Variants in ARMC9 observed in about 807,000 individuals in gnomAD.
The protein encoded by ARMC9 is lisH domain-containing protein ARMC9.
A neutral mutation model predicts 107.0 loss-of-function variants in ARMC9; 94 were observed. That is an observed-to-expected ratio of 0.88 (90% confidence interval 0.74 to 1.04). ARMC9 has a LOEUF of 1.04. ARMC9 is among the 50% of genes least tolerant of loss of function. The probability of loss-of-function intolerance (pLI) is 0.00; values close to 1 mark genes in which losing one functional copy is unlikely to be tolerated. For synonymous variants in ARMC9, 380 were observed against 396.9 expected (o/e 0.96, Z 0.51); for missense variants, 942 against 1,030.1 (o/e 0.91, Z 1.17).
At chr2:231,296,968 G>A (rs6751695) in intron 19 of ARMC9, among the ~76,000 whole-genome samples, 18,823 of 152,162 alleles carry the variant, frequency 0.12, 2,506 homozygotes, top group African/African-American at 0.32. Context: ...AGTGAATGCT[G>A]GAACATTTTC....
At chr2:231,365,062 G>T (rs556399471) in intron 23 of ARMC9, among the ~76,000 whole-genome samples, 21 of 152,338 alleles carry the variant, frequency 1.4e-4, no homozygotes, top group African/African-American at 5.1e-4. Context: ...CTCCCAGCAT[G>T]GTGAGCTCAG....
chr2:231,236,164 C>T (rs75099543), intron 8 of ARMC9, among the ~76,000 whole-genome samples: 102 of 152,236 alleles, frequency 6.7e-4, no homozygotes, highest in African/African-American at 2.2e-3. Context: ...ATGAGGGGCA[C>T]GTGCCCTGCT....
chr2:231,363,235 G>A (rs1003617275), intron 23 of ARMC9, among the ~76,000 whole-genome samples: 1 of 152,240 alleles, frequency 6.6e-6, no homozygotes, highest in Non-Finnish European at 1.5e-5. Flanking sequence ...GTAGGAGAAA[G>A]GGAGAAAGAG....
intron 23 of ARMC9, among the ~76,000 whole-genome samples, chr2:231,366,020 G>A (rs2045802476): frequency 6.6e-6 from 1 of 152,158 alleles, no homozygotes. Context: ...GAGGGGGACA[G>A]GCTTAAGGTG....
rs2041450888 is a variant in ARMC9, at chr2:231,297,444, G to A, written c.1773+1191G>A. Among the ~76,000 whole-genome samples, 1 of 152,170 alleles carries A rather than the reference G, an allele frequency of 6.6e-6. No individual in the cohort carries two copies. The highest frequency in any genetic ancestry group is 1.5e-5 in the Non-Finnish European group (1 of 68,034). On this transcript the variant is annotated intron_variant, in intron 19 of 24. Coordinates refer to ENST00000611582, the MANE Select transcript of ARMC9 (RefSeq NM_001352754.2). This position sits in a 1 kb window ranked among gnomAD's most constrained non-coding sequence, Gnocchi z 4.2. ...GACACTTTGTGTAAAGGAAAAGATAGGAACTATTTTAGGGCTTGCAGGCCA... is the reference window on the plus strand; with the variant it reads ...GACACTTTGTGTAAAGGAAAAGATAAGAACTATTTTAGGGCTTGCAGGCCA...
At chr2:231,370,679 C>A (rs2045982310) in intron 24 of ARMC9, 1 of 165,414 alleles carries the variant, frequency 6.0e-6, no homozygotes, top group Non-Finnish European at 1.3e-5. Context: ...CTCCCTGGGG[C>A]CTCTCTCTCA....
intron 21 of ARMC9, among the ~76,000 whole-genome samples, chr2:231,345,383 C>T (rs186801464): frequency 2.4e-4 from 36 of 152,270 alleles, no homozygotes; most frequent in African/African-American, 8.7e-4. Context: ...GAATCGGGCT[C>T]TCTCCAGAAG....
At chr2:231,316,664 C>CAAAA (rs780066527) in intron 19 of ARMC9, among the ~76,000 whole-genome samples, 1 of 130,862 alleles carries the variant, frequency 7.6e-6, no homozygotes, top group Non-Finnish European at 1.6e-5. Context: ...GACTCCATCT[C>CAAAA]AAAAAAAAAA....
intron 15 of ARMC9, 53 bp from the exon 16 acceptor site, chr2:231,278,329 T>C (rs2039934002): frequency 4.5e-6 from 7 of 1,572,108 alleles, no homozygotes; most frequent in Non-Finnish European, 6.1e-6. Flanking sequence ...TGACCTAAAA[T>C]TGTGCTTCTG....
intron 7 of ARMC9, among the ~76,000 whole-genome samples, chr2:231,229,772 CAGAG>C (rs1466040944): frequency 6.6e-6 from 1 of 152,068 alleles, no homozygotes; most frequent in Non-Finnish European, 1.5e-5. Context: ...ATTATAAAGA[CAGAG>C]AGGTTAATTT....
At chr2:231,331,652 C>T (rs1049687253) in intron 19 of ARMC9, 141 bp from the exon 20 acceptor site, 1 of 675,466 alleles carries the variant, frequency 1.5e-6, no homozygotes, top group African/African-American at 1.8e-5. Flanking sequence ...TGCCCCTGAG[C>T]CCCCTTGGAA....
chr2:231,334,368 C>T (rs1207079314), intron 20 of ARMC9, among the ~76,000 whole-genome samples: 1 of 152,250 alleles, frequency 6.6e-6, no homozygotes, highest in Non-Finnish European at 1.5e-5. Flanking sequence ...CTTCCAGCCT[C>T]TGGTGGCCCC....
intron 12 of ARMC9, among the ~76,000 whole-genome samples, chr2:231,265,333 T>C (rs999179992): frequency 6.6e-6 from 1 of 152,100 alleles, no homozygotes; most frequent in African/African-American, 2.4e-5. Context: ...TTACAAAGAT[T>C]TGGAACCAAC....
At chr2:231,216,476 T>C (rs543791915) in intron 4 of ARMC9, among the ~76,000 whole-genome samples, 162 bp from the exon 5 acceptor site, 10 of 152,272 alleles carry the variant, frequency 6.6e-5, no homozygotes, top group Non-Finnish European at 1.2e-4. Flanking sequence ...GGGGGAAATT[T>C]AGGGTGGATG....
intron 20 of ARMC9, among the ~76,000 whole-genome samples, chr2:231,340,712 C>A (rs1255325319): frequency 6.6e-6 from 1 of 151,762 alleles, no homozygotes; most frequent in East Asian, 1.9e-4. Flanking sequence ...CATAGTGAAA[C>A]CCCGTCTCTA....
intron 23 of ARMC9, among the ~76,000 whole-genome samples, chr2:231,363,163 AG>A (rs1237617142): frequency 6.6e-6 from 1 of 152,376 alleles, no homozygotes. Context: ...CCAGGAGTGC[AG>A]GGCATCTGTG....
chr2:231,274,628 C>T (rs937919568), intron 14 of ARMC9, among the ~76,000 whole-genome samples: 3 of 152,114 alleles, frequency 2.0e-5, no homozygotes, highest in Non-Finnish European at 2.9e-5. Context: ...CTCAAGTTCT[C>T]TTTGACTTTC....
chr2:231,288,724 G>A (rs1046786269), intron 17 of ARMC9: 10 of 471,076 alleles, frequency 2.1e-5, no homozygotes, highest in Admixed American at 4.7e-5. Flanking sequence ...GCTGAAAGGT[G>A]AAATCCTCTG....
rs777642897 is a variant in ARMC9 at position 231,222,759 on chromosome 2, T to TC, written c.536_537insC (p.Leu179PhefsTer10). 1.2e-4 allele frequency: 189 copies of TC among 1,588,568 alleles called. No homozygotes were observed. The highest frequency in any genetic ancestry group is 5.2e-4 in the Middle Eastern group (3 of 5,744). ...TGGACTCCAGAGTTAAAGTTGAAGT[T>TC]GATAAAGTTTCTAGCTTTAATATCT... is the stretch of plus-strand genomic sequence containing the variant. On this transcript the variant is annotated frameshift_variant, in exon 6 of 25. Coordinates refer to ENST00000611582, the MANE Select transcript of ARMC9 (RefSeq NM_001352754.2). LOFTEE classifies it high-confidence loss of function.
Sources: allele counts gnomAD v4.1 joint callset (sites outside exome capture counted in the v4.1 genomes callset), GRCh38; gene constraint gnomAD v4.1.1; non-coding constraint Gnocchi (gnomAD v3.1); transcripts MANE v1.5; gene names NCBI Gene and HGNC (gene_info 2026-07-23, HGNC 2026-07-21).